Variants in WIPF3 observed in about 807,000 individuals in gnomAD.
The protein encoded by WIPF3 is WAS/WASL-interacting protein family member 3.
In WIPF3, 33 loss-of-function variants were observed where a neutral mutation model predicts 38.9. That is an observed-to-expected ratio of 0.85 (90% CI 0.64 to 1.14). The LOEUF is 1.14. Ranked by LOEUF, WIPF3 falls within the 50% of genes most tolerant of loss-of-function variation. The pLI is 0.00. For missense variants in WIPF3, 711 were observed against 652.5 expected, an observed-to-expected ratio of 1.09 and a Z score of -0.98; for synonymous variants, 324 against 269.3, an observed-to-expected ratio of 1.20 and a Z score of -1.99.
At chr7:29,855,223 G>A (rs558922409) in intron 2 of WIPF3, among the ~76,000 whole-genome samples, 2 of 152,260 alleles carry the variant, frequency 1.3e-5, no homozygotes, top group East Asian at 1.9e-4. Flanking sequence ...TCTTCACCCC[G>A]TGCTCATACA....
At chr7:29,842,627 C>T (rs1268959031) in intron 2 of WIPF3, among the ~76,000 whole-genome samples, 2 of 152,054 alleles carry the variant, frequency 1.3e-5, no homozygotes, top group African/African-American at 2.4e-5. Flanking sequence ...GTTTTCCCAC[C>T]GTCTTTAACA....
intron 2 of WIPF3, among the ~76,000 whole-genome samples, chr7:29,843,401 G>C (rs1003814872): frequency 6.6e-6 from 1 of 152,178 alleles, no homozygotes; most frequent in Non-Finnish European, 1.5e-5. Context: ...AAAAGCCTGC[G>C]AGCGCTTGTT....
rs537642765 is a variant in WIPF3 at position 29,828,981 on chromosome 7, C to G, written c.-57-5687C>G. Among the ~76,000 whole-genome samples the G allele has an allele frequency of 1.2e-3, 182 of 152,304 alleles. 5 individuals are homozygous for G. The South Asian group carries it at 0.035, about 29-fold the overall frequency. On this transcript the variant is annotated intron_variant, in intron 1 of 8. Transcript: ENST00000242140. ...ATGGCAGCCTTTTCCTCTTCTCCCC[C>G]ACACATGCAGAGCCTCCCAGGCTGC...
At chr7:29,817,429 T>C (rs1173854789) in intron 1 of WIPF3, among the ~76,000 whole-genome samples, 1 of 152,096 alleles carries the variant, frequency 6.6e-6, no homozygotes, top group Non-Finnish European at 1.5e-5. Flanking sequence ...TTCTGACTTG[T>C]AGATTTTAAA....
chr7:29,907,967 T>A (rs1344137621), intron 8 of WIPF3, among the ~76,000 whole-genome samples: 1 of 152,094 alleles, frequency 6.6e-6, no homozygotes, highest in African/African-American at 2.4e-5. Context: ...AAAAGCTATA[T>A]AGAAAAGAAG....
In WIPF3 at chr7:29,815,538, A is replaced by G. The variant is rs1006028160; in HGVS notation, c.-58+8860A>G. 2.6e-5 allele frequency among the ~76,000 whole-genome samples: 4 copies of G among 152,174 alleles called. No individual in the cohort carries two copies. In the East Asian group the frequency reaches 5.8e-4, roughly 22 times the overall value. On this transcript the variant is annotated intron_variant, in intron 1 of 8. Coordinates refer to ENST00000242140, the MANE Select transcript of WIPF3 (RefSeq NM_001080529.3). ...TATCCGTATGAATTACATGTATCTA[A>G]AAAAGACGAGCCAAGATACCTGTCC... is the stretch of plus-strand genomic sequence containing the variant.
intron 1 of WIPF3, among the ~76,000 whole-genome samples, chr7:29,829,029 C>T (rs1485061142): frequency 6.6e-6 from 1 of 152,188 alleles, no homozygotes; most frequent in East Asian, 1.9e-4. Context: ...ACTTCCAAAT[C>T]TCTGATTATT....
At position 29,830,256 on chromosome 7, in the gene WIPF3, C is replaced by T. The variant is rs564292751; in HGVS notation, c.-57-4412C>T. 1.3e-4 allele frequency among the ~76,000 whole-genome samples: 20 copies of T among 151,824 alleles called. No homozygotes were observed. The East Asian group carries it at 2.3e-3, about 18-fold the overall frequency. ...CCTAAAGATAAAACTAGACGGAAAC[C>T]AAGGCCGCTCAGGTGAGGGAGGGGC... On this transcript the variant is annotated intron_variant, in intron 1 of 8. Coordinates refer to ENST00000242140, the MANE Select transcript of WIPF3 (RefSeq NM_001080529.3).
intron 1 of WIPF3, among the ~76,000 whole-genome samples, chr7:29,827,301 G>A (rs1205076285): frequency 6.6e-6 from 1 of 152,200 alleles, no homozygotes; most frequent in East Asian, 1.9e-4. Context: ...TAGGTTGGAA[G>A]TCCAAGGAGA....
Position 29,833,703 on chromosome 7 carries a change from T to C in WIPF3, c.-57-965T>C, listed in dbSNP as rs139856228. Among the ~76,000 whole-genome samples the C allele has an allele frequency of 5.5e-3, 839 of 152,316 alleles. 5 individuals are homozygous for C. The highest frequency in any genetic ancestry group is 0.019 in the African/African-American group (772 of 41,564). ...GATGAAAAAACATAGGGACAGGCCT[T>C]GTTCTGGTCCTCCAGTAACCAAAGG... On this transcript the variant is annotated intron_variant, in intron 1 of 8. Coordinates refer to ENST00000242140, the MANE Select transcript of WIPF3 (RefSeq NM_001080529.3).
chr7:29,817,683 C>T (rs1163865272), intron 1 of WIPF3, among the ~76,000 whole-genome samples: 2 of 151,994 alleles, frequency 1.3e-5, no homozygotes, highest in Non-Finnish European at 2.9e-5. Flanking sequence ...GGTCAATTTC[C>T]AGGCTCTCAG....
intron 1 of WIPF3, among the ~76,000 whole-genome samples, chr7:29,824,908 A>T (rs148527831): frequency 1.8e-3 from 280 of 152,312 alleles, no homozygotes; most frequent in African/African-American, 5.9e-3. Flanking sequence ...GAACAGTAGG[A>T]ATAAGGTTAA....
chr7:29,857,685 C>T (rs915067765), intron 2 of WIPF3, among the ~76,000 whole-genome samples: 11 of 152,122 alleles, frequency 7.2e-5, no homozygotes, highest in African/African-American at 2.7e-4. Context: ...ATGTTGATGA[C>T]TGTGGAGCTT....
intron 7 of WIPF3, among the ~76,000 whole-genome samples, chr7:29,894,376 C>T (rs1478167231): frequency 6.6e-6 from 1 of 152,026 alleles, no homozygotes; most frequent in Non-Finnish European, 1.5e-5. Context: ...TTTAAACAGC[C>T]TATTAAATGA....
intron 5 of WIPF3, among the ~76,000 whole-genome samples, chr7:29,885,091 G>T (rs1318824891): frequency 6.6e-6 from 1 of 152,180 alleles, no homozygotes; most frequent in Non-Finnish European, 1.5e-5. Flanking sequence ...AATCTTCGCC[G>T]GCCCTCAGTA....
chr7:29,898,041 T>C (rs1039036244), intron 7 of WIPF3, among the ~76,000 whole-genome samples: 2 of 152,176 alleles, frequency 1.3e-5, no homozygotes, highest in Non-Finnish European at 2.9e-5. Context: ...CTGTTCTCTC[T>C]GGAGCCAAGT....
chr7:29,882,349 G>A (rs1187855658), intron 4 of WIPF3, among the ~76,000 whole-genome samples: 6 of 152,138 alleles, frequency 3.9e-5, no homozygotes, highest in Non-Finnish European at 5.9e-5. Flanking sequence ...GGTTCTCCTC[G>A]TCATCTTTTT....
intron 8 of WIPF3, among the ~76,000 whole-genome samples, chr7:29,911,163 T>C (rs1432756263): frequency 1.3e-5 from 2 of 152,178 alleles, no homozygotes; most frequent in Admixed American, 6.5e-5. Context: ...ATTCCATTTA[T>C]GATAGCATAG....
chr7:29,864,512 T>C (rs1199441330), intron 2 of WIPF3, among the ~76,000 whole-genome samples: 2 of 152,236 alleles, frequency 1.3e-5, no homozygotes, highest in African/African-American at 4.8e-5. Flanking sequence ...CTCTAAAAGT[T>C]GAAAATCTCT....
Sources: allele counts gnomAD v4.1 joint callset (sites outside exome capture counted in the v4.1 genomes callset), GRCh38; gene constraint gnomAD v4.1.1; transcripts MANE v1.5; gene names NCBI Gene and HGNC (gene_info 2026-07-23, HGNC 2026-07-21).